Variants in MAN2A2 observed in about 807,000 individuals in gnomAD.
MAN2A2 encodes the protein mannosidase alpha class 2A member 2.
A neutral mutation model predicts 126.8 loss-of-function variants in MAN2A2; 79 were observed. That is an observed-to-expected ratio of 0.62 (90% CI 0.52 to 0.75). MAN2A2 has a LOEUF of 0.75. Ranked by LOEUF, MAN2A2 falls within the 30% of genes least tolerant of loss-of-function variation. The pLI, the probability that MAN2A2 is intolerant of heterozygous loss-of-function variation, is 0.00. For synonymous variants in MAN2A2, 671 were observed against 618.7 expected (o/e 1.08, Z -1.25); for missense variants, 1,392 against 1,522.4 (o/e 0.91, Z 1.43).
rs1247917019 is a variant in MAN2A2 at position 90,909,634 on chromosome 15, C to T, written c.1374+130C>T. ...TTTTTTTTTTTTTGAGATGGAGTCT[C>T]ACTCTGTTGCCCAGGCTGGAGTTCA... On this transcript the variant is annotated intron_variant, in intron 9 of 22. Transcript: ENST00000559717. The T allele has an allele frequency of 1.3e-5, 11 of 878,724 alleles. No individual in the cohort carries two copies. In the Admixed American group the frequency reaches 1.3e-4, roughly 10 times the overall value. The allele number at this position is 878,724 out of a possible 1,614,324, so 54.4% of individuals were successfully genotyped here. A position where few individuals can be genotyped will look rare whatever the true frequency, so the allele number is the denominator to read the frequency against.
In MAN2A2 at chr15:90,919,939, G is replaced by C. The variant is rs1252254507; in HGVS notation, c.*152G>C. The C allele has an allele frequency of 1.0e-6, 1 of 962,848 alleles. No individual in the cohort carries two copies. Among genetic ancestry groups the C allele is most frequent in the Non-Finnish European group, 1.5e-6 (1 of 659,164 alleles). The allele number at this position is 962,848 out of a possible 1,614,324, so 59.6% of individuals were successfully genotyped here. A position where few individuals can be genotyped will look rare whatever the true frequency, so the allele number is the denominator to read the frequency against. Reference sequence around the variant, plus strand: ...CCCTCATTTTCTGTTTATTGCTGCTGCTGTGTTTTCGGCGCAACCCACAAA... The same window carrying C: ...CCCTCATTTTCTGTTTATTGCTGCTCCTGTGTTTTCGGCGCAACCCACAAA... On this transcript the variant is annotated 3_prime_UTR_variant, in exon 23 of 23. Coordinates refer to ENST00000559717, the MANE Select transcript of MAN2A2 (RefSeq NM_006122.4).
At chr15:90,916,558 C>T (rs1176371116) in intron 20 of MAN2A2, 3 of 1,392,838 alleles carry the variant, frequency 2.2e-6, no homozygotes, top group Non-Finnish European at 1.9e-6. Flanking sequence ...CAACCCCGCT[C>T]ATCTCATGGC....
rs2034385753 is a variant in MAN2A2, at chr15:90,907,415, C to G, written c.1116C>G (p.Phe372Leu). The G allele has an allele frequency of 6.2e-7, 1 of 1,614,042 alleles. No individual in the cohort carries two copies. Among genetic ancestry groups the G allele is most frequent in the African/African-American group, 1.3e-5 (1 of 74,952 alleles). ...CCAAGATCTGCTGCCAATTTGATTT[C>G]AAACGCCTGCCTGGTGGGCGCATCA... ...PDPKICCQFD[F>L]KRLPGGRINC... Residue 372 changes from phenylalanine to leucine, a missense_variant, in exon 8 of 23, where the codon TTC becomes TTG. Physicochemically the swap from Phe to Leu is conservative, Grantham distance 22. Coordinates refer to ENST00000559717, the MANE Select transcript of MAN2A2 (RefSeq NM_006122.4).
chr15:90,906,521 G>T, intron 6 of MAN2A2, 24 bp downstream of exon 6: 1 of 1,614,046 alleles, frequency 6.2e-7, no homozygotes, highest in Non-Finnish European at 8.5e-7. Context: ...CAGGCATGGG[G>T]GTCTGCCCCC....
intron 22 of MAN2A2, 128 bp downstream of exon 22, chr15:90,918,883 A>T (rs187225439): frequency 7.3e-6 from 5 of 688,410 alleles, no homozygotes; most frequent in Admixed American, 4.8e-5. Context: ...GAAGGGGGGA[A>T]GCTGTAGACA....
rs187769719 is a variant in MAN2A2, at chr15:90,909,306, A to G, written c.1197-21A>G. The G allele has an allele frequency of 2.6e-5, 41 of 1,595,036 alleles. No homozygotes were observed. In the African/African-American group the frequency reaches 5.0e-4, roughly 19 times the overall value. ...ACTGATGAGACTTCGTGGTGGGCCC[A>G]TGTTTTTTTTCCTGCCCCAGGGCAG... On this transcript the variant is annotated intron_variant, in intron 8 of 22. Transcript: ENST00000559717.
intron 5 of MAN2A2, 42 bp downstream of exon 5, chr15:90,906,058 C>T (rs1197322669): frequency 6.2e-7 from 1 of 1,610,868 alleles, no homozygotes; most frequent in African/African-American, 1.3e-5. Flanking sequence ...ATTGTCTGAG[C>T]CCCAGGCTGG....
rs201472476 is a variant in MAN2A2, at chr15:90,921,204, C to T, written c.*1417C>T. ...CCTACCTGTAAAACCTAAGAATCAA[C>T]TGAAGACCTGTTAAGAGTATTCTGT... On this transcript the variant is annotated 3_prime_UTR_variant, in exon 23 of 23. Coordinates refer to ENST00000559717, the MANE Select transcript of MAN2A2 (RefSeq NM_006122.4). The T allele has an allele frequency of 6.6e-6, 1 of 152,268 alleles. No individual in the cohort carries two copies. Among genetic ancestry groups the T allele is most frequent in the African/African-American group, 2.4e-5 (1 of 41,476 alleles). 9.4% of individuals were successfully genotyped at this position (152,268 alleles called of 1,614,324 possible). A position where few individuals can be genotyped will look rare whatever the true frequency, so the allele number is the denominator to read the frequency against.
In MAN2A2 at chr15:90,912,151, G is replaced by C. The variant is rs376092642; in HGVS notation, c.2218G>C (p.Gly740Arg). 6.2e-7 allele frequency: 1 copy of C among 1,613,886 alleles called. No homozygotes were observed. The highest frequency in any genetic ancestry group is 8.5e-7 in the Non-Finnish European group (1 of 1,179,946). ...LPSSVRIYLH[G>R]RQLSVSRHEA... ...CTCCTCTGTGCGCATCTACCTGCAC[G>C]GCCGGCAGCTGTCCGTCAGCAGGCA... The change falls in exon 15 of 23, where the codon GGC becomes CGC. Residue 740 changes from glycine (G) to arginine (R), a missense_variant. Gly to Arg is a moderately radical substitution (Grantham distance 125). Coordinates refer to ENST00000559717, the MANE Select transcript of MAN2A2 (RefSeq NM_006122.4).
rs2034910579 is a variant in MAN2A2 at position 90,913,298 on chromosome 15, A to T, written c.2610A>T (p.Ile870=). ...GGGTGGAGGGGCTGTCTCTGGACATATCATCCCTGGTGGACATCCGGGACT... is the reference window on the plus strand; with the variant it reads ...GGGTGGAGGGGCTGTCTCTGGACATTTCATCCCTGGTGGACATCCGGGACT... The part of the protein sequence containing the change: ...LPGVEGLSLD[I]SSLVDIRDYV... Residue 870 remains isoleucine, a synonymous_variant, in exon 18 of 23, where the codon ATA becomes ATT. Transcript: ENST00000559717. 1.9e-6 allele frequency: 3 copies of T among 1,613,956 alleles called. No homozygotes were observed. The highest frequency in any genetic ancestry group is 2.2e-5 in the South Asian group (2 of 91,082).
At position 90,906,896 on chromosome 15, in the gene MAN2A2, T is replaced by C. The variant is rs780843137; in HGVS notation, c.992T>C (p.Met331Thr). The C allele has an allele frequency of 1.7e-5, 27 of 1,613,876 alleles. No individual in the cohort carries two copies. The highest frequency in any genetic ancestry group is 1.9e-5 in the Non-Finnish European group (23 of 1,179,994). The change falls in exon 7 of 23, where the codon ATG becomes ACG. Residue 331 changes from methionine to threonine, a missense_variant. Physicochemically the swap from Met to Thr is moderately conservative, Grantham distance 81. Coordinates refer to ENST00000559717, the MANE Select transcript of MAN2A2 (RefSeq NM_006122.4). ...HFAATHSLEF[M>T]WRQTWDSDSS... is the part of the protein sequence containing the mutation. ...GCTGCCACCCACAGCCTAGAGTTCA[T>C]GTGGAGGCAGACATGGGGTAAGGCC...
At chr15:90,913,191 C>T (rs192436937) in intron 17 of MAN2A2, 82 bp from the exon 18 acceptor site, 56 of 1,518,172 alleles carry the variant, frequency 3.7e-5, no homozygotes, top group African/African-American at 6.9e-5. Flanking sequence ...CTCCCCAGCT[C>T]GGCTCTGATC....
In MAN2A2 at chr15:90,906,921, C is replaced by T. The variant is rs372318568; in HGVS notation, c.1009+8C>T. Reference sequence around the variant, plus strand: ...TGTGGAGGCAGACATGGGGTAAGGCCGGGTAGGGTAGAGGGGGTTACTGCA... The same window carrying T: ...TGTGGAGGCAGACATGGGGTAAGGCTGGGTAGGGTAGAGGGGGTTACTGCA... On this transcript the variant is annotated splice_region_variant and intron_variant, in intron 7 of 22. Coordinates refer to ENST00000559717, the MANE Select transcript of MAN2A2 (RefSeq NM_006122.4). 68 of 1,613,388 alleles carry T rather than the reference C, an allele frequency of 4.2e-5. No homozygotes were observed. Among genetic ancestry groups the T allele is most frequent in the South Asian group, 1.2e-4 (11 of 91,086 alleles).
Position 90,910,167 on chromosome 15 carries a change from A to T in MAN2A2, c.1452A>T (p.Pro484=), listed in dbSNP as rs767166627. The change falls in exon 10 of 23, where the codon CCA becomes CCT. Residue 484 remains proline, a synonymous_variant. Coordinates refer to ENST00000559717, the MANE Select transcript of MAN2A2 (RefSeq NM_006122.4). ...GGGTGGAGCCAGGGGCCCGGCCTCC[A>T]GGGTTTCCTGTGCTGAGCGGGGATT... ...RTGVEPGARP[P]GFPVLSGDFF... 6.2e-7 allele frequency: 1 copy of T among 1,614,102 alleles called. No individual in the cohort carries two copies. Among genetic ancestry groups the T allele is most frequent in the Non-Finnish European group, 8.5e-7 (1 of 1,180,026 alleles).
rs1385478277 is a variant in MAN2A2, at chr15:90,922,486, G to A, written c.*2699G>A. 1 of 152,214 alleles carries A rather than the reference G, an allele frequency of 6.6e-6. No homozygotes were observed. Among genetic ancestry groups the A allele is most frequent in the African/African-American group, 2.4e-5 (1 of 41,458 alleles). The allele number at this position is 152,214 out of a possible 1,614,324, so 9.4% of individuals were successfully genotyped here. On this transcript the variant is annotated 3_prime_UTR_variant, in exon 23 of 23. Coordinates refer to ENST00000559717, the MANE Select transcript of MAN2A2 (RefSeq NM_006122.4). ...ATGCTAAGCAGTTCCACTGTGGCAGGTGTCATTTGCTAGTAGAATTTGTAA... is the reference window on the plus strand; with the variant it reads ...ATGCTAAGCAGTTCCACTGTGGCAGATGTCATTTGCTAGTAGAATTTGTAA...
chr15:90,908,584 ATT>A (rs10532338), intron 8 of MAN2A2, among the ~76,000 whole-genome samples: 51,224 of 144,458 alleles, frequency 0.35, 10,276 homozygotes, highest in East Asian at 0.95. Flanking sequence ...ATTTAATTTA[ATT>A]TTTTTTTTTT....
intron 8 of MAN2A2, among the ~76,000 whole-genome samples, chr15:90,908,487 A>C (rs1265450880): frequency 6.6e-6 from 1 of 152,230 alleles, no homozygotes; most frequent in Non-Finnish European, 1.5e-5. Flanking sequence ...ATGAAAAGAA[A>C]AGAAATGTTT....
chr15:90,912,013 C>T (rs2034789170), intron 14 of MAN2A2, 30 bp from the exon 15 acceptor site: 1 of 1,580,796 alleles, frequency 6.3e-7, no homozygotes, highest in African/African-American at 1.3e-5. Context: ...AAGCCGTGCC[C>T]CCACTTCCTC....
intron 2 of MAN2A2, 57 bp downstream of exon 2, chr15:90,904,396 T>G (rs1052242980): frequency 6.3e-7 from 1 of 1,579,370 alleles, no homozygotes; most frequent in Non-Finnish European, 8.6e-7. Context: ...GCTCAGGGTA[T>G]GCACCTCCCA....
Sources: gnomAD v4.1 joint callset for allele counts (sites outside exome capture counted in the v4.1 genomes callset) on GRCh38, gnomAD v4.1.1 for gene constraint, MANE v1.5 for transcripts, NCBI Gene and HGNC (gene_info 2026-07-23, HGNC 2026-07-21) for gene names.